The following PDXK variants were observed in gnomAD, a reference collection of about 807,000 sequenced individuals.
PDXK encodes the protein pyridoxal kinase.
Under a neutral mutation model 43.2 loss-of-function variants are expected in PDXK, and 15 were observed. The observed-to-expected ratio is 0.35, with a 90% CI of 0.23 to 0.53. The LOEUF (loss-of-function observed/expected upper bound fraction) is 0.53. PDXK is among the 20% of genes least tolerant of loss of function. The pLI is 0.92. For synonymous variants in PDXK, 172 were observed against 165.4 expected (o/e 1.04, Z -0.31); for missense variants, 343 against 417.0 (o/e 0.82, Z 1.54).
chr21:43,752,086 G>C (rs888721526), intron 7 of PDXK, among the ~76,000 whole-genome samples: 19 of 149,974 alleles, frequency 1.3e-4, no homozygotes, highest in Non-Finnish European at 2.7e-4. Flanking sequence ...CACGTGCTGG[G>C]TGGCGATGCA....
chr21:43,733,824 C>G, intron 1 of PDXK: 1 of 700,524 alleles, frequency 1.4e-6, no homozygotes, highest in Non-Finnish European at 2.3e-6. Flanking sequence ...CGATGCCCTC[C>G]CGGGCTGGTT....
rs1332833740 is a variant in PDXK at position 43,723,185 on chromosome 21, C to T, written c.87+3804C>T. Among the ~76,000 whole-genome samples the T allele has an allele frequency of 6.8e-6, 1 of 146,512 alleles. No homozygotes were observed. The highest frequency in any genetic ancestry group is 2.6e-5 in the African/African-American group (1 of 39,112). On this transcript the variant is annotated intron_variant, in intron 1 of 10. Transcript: ENST00000291565. This position sits in a 1 kb window ranked among gnomAD's most constrained non-coding sequence, Gnocchi z 4.1. ...TTTTTTTTTTTTGAGACGAGGGTCTCACTCTGTCGCTCAGGCTGAAGTACA... is the reference window on the plus strand; with the variant it reads ...TTTTTTTTTTTTGAGACGAGGGTCTTACTCTGTCGCTCAGGCTGAAGTACA...
chr21:43,755,886 G>T, intron 10 of PDXK, 65 bp from the exon 11 acceptor site: 1 of 1,451,070 alleles, frequency 6.9e-7, no homozygotes, highest in Non-Finnish European at 9.7e-7. Context: ...CTCACCTCTG[G>T]GAGTGGGGGC....
rs1396636205 is a variant in PDXK, at chr21:43,754,176, TAGGTGGGAGGCTGAGGAC to T, written c.759+461_759+478del. Among the ~76,000 whole-genome samples, 3 of 151,940 alleles carry T rather than the reference TAGGTGGGAGGCTGAGGAC, an allele frequency of 2.0e-5. No individual in the cohort carries two copies. The highest frequency in any genetic ancestry group is 4.4e-5 in the Non-Finnish European group (3 of 67,932). On this transcript the variant is annotated intron_variant, in intron 9 of 10. Coordinates refer to ENST00000291565, the MANE Select transcript of PDXK (RefSeq NM_003681.5). The surrounding 1 kb of genome is among the most constrained non-coding windows in gnomAD (Gnocchi z 5.5). ...GGCCGGAGCCGCCCTTCGGGGACAG[TAGGTGGGAGGCTGAGGAC>T]AGGGGTCCAGGCAGGTGTGGAGAGC...
At position 43,734,427 on chromosome 21, in the gene PDXK, G is replaced by C. The variant is rs982120795; in HGVS notation, c.142+304G>C. 1.3e-5 allele frequency among the ~76,000 whole-genome samples: 2 copies of C among 152,168 alleles called. No homozygotes were observed. The highest frequency in any genetic ancestry group is 2.9e-5 in the Non-Finnish European group (2 of 68,020). On this transcript the variant is annotated intron_variant, in intron 2 of 10. Coordinates refer to ENST00000291565, the MANE Select transcript of PDXK (RefSeq NM_003681.5). This position sits in a 1 kb window ranked among gnomAD's most constrained non-coding sequence, Gnocchi z 5.0. ...AGTTTCCTTCTCTGTAAGACAGGAG[G>C]GCAATCCTAACACCTGCCGTGAGGT...
chr21:43,752,692 G>C (rs533441138), intron 8 of PDXK, 63 bp downstream of exon 8: 2 of 1,027,138 alleles, frequency 1.9e-6, no homozygotes, highest in Non-Finnish European at 3.1e-6. Context: ...TGTTCTTTGG[G>C]GCTGCAAGAA....
In PDXK at chr21:43,753,601, T is replaced by C. The variant is rs772759626; in HGVS notation, c.641T>C (p.Val214Ala). 1 of 1,612,846 alleles carries C rather than the reference T, an allele frequency of 6.2e-7. No individual in the cohort carries two copies. The part of the protein sequence containing the change: ...SQRRRNPAGS[V>A]VMERIRMDIR... ...CCCCTAGGGAATCCCGCTGGCTCCG[T>C]GGTGATGGAACGCATCCGGATGGAC... The change falls in exon 9 of 11, where the codon GTG (valine) becomes GCG (alanine). Residue 214 changes from valine to alanine, a missense_variant. Val to Ala is a moderately conservative substitution (Grantham distance 64). Coordinates refer to ENST00000291565, the MANE Select transcript of PDXK (RefSeq NM_003681.5).
intron 1 of PDXK, among the ~76,000 whole-genome samples, chr21:43,729,280 G>A (rs1424349608): frequency 6.6e-6 from 1 of 152,264 alleles, no homozygotes; most frequent in Non-Finnish European, 1.5e-5. Flanking sequence ...GGCCAGGGCC[G>A]GCAGAGAGCC....
intron 4 of PDXK, among the ~76,000 whole-genome samples, chr21:43,744,916 TACTC>T (rs1182363747): frequency 2.0e-5 from 3 of 152,318 alleles, no homozygotes; most frequent in African/African-American, 7.2e-5. Flanking sequence ...AATGGAGTAT[TACTC>T]AGTCTGGAAA....
intron 6 of PDXK, 24 bp downstream of exon 6, chr21:43,749,104 CTTTATT>C: frequency 6.9e-7 from 1 of 1,451,668 alleles, no homozygotes; most frequent in Non-Finnish European, 9.6e-7. Flanking sequence ...TTTTATTTTA[CTTTATT>C]TATTTATTTT....
intron 9 of PDXK, 58 bp downstream of exon 9, chr21:43,753,777 A>G: frequency 6.6e-7 from 1 of 1,523,770 alleles, no homozygotes. Context: ...CATGGGGAGC[A>G]GGATATGAGA....
At chr21:43,755,562 A>C (rs2083833499) in intron 9 of PDXK, 136 bp from the exon 10 acceptor site, 1 of 765,712 alleles carries the variant, frequency 1.3e-6, no homozygotes, top group Non-Finnish European at 2.3e-6. Flanking sequence ...CAGCACGTGC[A>C]TTGGCGGAGC....
At chr21:43,745,429 A>G (rs2083621744) in intron 4 of PDXK, among the ~76,000 whole-genome samples, 1 of 151,808 alleles carries the variant, frequency 6.6e-6, no homozygotes, top group South Asian at 2.1e-4. Flanking sequence ...CAAAAAAAAA[A>G]AAAAAAAGAA....
Position 43,735,458 on chromosome 21 carries a change from T to C in PDXK, c.142+1335T>C, listed in dbSNP as rs927795470. ...GGCTTGGTGGAAGCTTCTCAGTGGG[T>C]GGTGGGCTGGCTGACCCGAGGGCCC... On this transcript the variant is annotated intron_variant, in intron 2 of 10. Coordinates refer to ENST00000291565, the MANE Select transcript of PDXK (RefSeq NM_003681.5). The surrounding 1 kb of genome is among the most constrained non-coding windows in gnomAD (Gnocchi z 5.3). 2.0e-5 allele frequency among the ~76,000 whole-genome samples: 3 copies of C among 151,576 alleles called. No homozygotes were observed. The highest frequency in any genetic ancestry group is 7.3e-5 in the African/African-American group (3 of 41,178).
At chr21:43,725,853 GAA>G (rs2083248006) in intron 1 of PDXK, among the ~76,000 whole-genome samples, 1 of 152,170 alleles carries the variant, frequency 6.6e-6, no homozygotes, top group African/African-American at 2.4e-5. Flanking sequence ...AGCCAGTGGT[GAA>G]AAGTGTGCCT....
chr21:43,732,530 C>T lies in PDXK; in HGVS notation c.88-1539C>T, dbSNP rs370970456. On this transcript the variant is annotated intron_variant, in intron 1 of 10. Transcript: ENST00000291565. This position sits in a 1 kb window ranked among gnomAD's most constrained non-coding sequence, Gnocchi z 4.1. ...AAAATAGCGACTTCATTCTCGGATACGTTTGCCAGCCCCAAAGGATTAATT... is the reference window on the plus strand; with the variant it reads ...AAAATAGCGACTTCATTCTCGGATATGTTTGCCAGCCCCAAAGGATTAATT... 17 of 1,185,824 alleles carry T rather than the reference C, an allele frequency of 1.4e-5. No homozygotes were observed. The highest frequency in any genetic ancestry group is 4.7e-5 in the East Asian group (2 of 42,958). 73.5% of individuals were successfully genotyped at this position (1,185,824 alleles called of 1,614,324 possible). A position where few individuals can be genotyped will look rare whatever the true frequency, so the allele number is the denominator to read the frequency against.
intron 1 of PDXK, among the ~76,000 whole-genome samples, chr21:43,724,744 A>G (rs1413722915): frequency 6.6e-6 from 1 of 151,798 alleles, no homozygotes; most frequent in Non-Finnish European, 1.5e-5. Context: ...GGGAAGGTGA[A>G]GTGGGAGGAT....
At chr21:43,722,219 G>A (rs1363191852) in intron 1 of PDXK, among the ~76,000 whole-genome samples, 2 of 152,206 alleles carry the variant, frequency 1.3e-5, no homozygotes, top group Non-Finnish European at 2.9e-5. Flanking sequence ...CACATTGCTA[G>A]GACTGTTTCC....
intron 4 of PDXK, among the ~76,000 whole-genome samples, chr21:43,745,070 G>A (rs1198005483): frequency 6.6e-6 from 1 of 152,188 alleles, no homozygotes; most frequent in Non-Finnish European, 1.5e-5. Context: ...AGTTCATCGA[G>A]GTAGAAAGCA....
Sources: gnomAD v4.1 joint callset for allele counts (sites outside exome capture counted in the v4.1 genomes callset) on GRCh38, gnomAD v4.1.1 for gene constraint, Gnocchi (gnomAD v3.1) non-coding constraint, MANE v1.5 for transcripts, NCBI Gene and HGNC (gene_info 2026-07-23, HGNC 2026-07-21) for gene names.